The following CNTN5 variants were observed in gnomAD, a reference collection of about 807,000 sequenced individuals.
The protein encoded by CNTN5 is contactin 5.
CNTN5 carries 77 observed loss-of-function variants against 129.1 expected under a neutral mutation model. The observed-to-expected ratio is 0.60, with a 90% CI of 0.50 to 0.72. The LOEUF (loss-of-function observed/expected upper bound fraction) is 0.72. CNTN5 is among the 30% of genes least tolerant of loss of function. The pLI is 0.00. For missense variants in CNTN5, 1,478 were observed against 1,328.8 expected (o/e 1.11, Z -1.75); for synonymous variants, 509 against 465.6 (o/e 1.09, Z -1.20).
At chr11:100,242,240 G>C (rs1297248122) in intron 16 of CNTN5, among the ~76,000 whole-genome samples, 1 of 152,038 alleles carries the variant, frequency 6.6e-6, no homozygotes, top group African/African-American at 2.4e-5. Context: ...TGCCCATATT[G>C]TTTATGTGGC....
At chr11:99,213,374 G>GTGTATATATA (rs1859926380) in intron 1 of CNTN5, among the ~76,000 whole-genome samples, 1 of 103,542 alleles carries the variant, frequency 9.7e-6, no homozygotes, top group Non-Finnish European at 2.0e-5. Flanking sequence ...ATGTATATAT[G>GTGTATATATA]TATATACATA....
chr11:99,860,017 A>G (rs1948157523), intron 6 of CNTN5, among the ~76,000 whole-genome samples: 1 of 151,948 alleles, frequency 6.6e-6, no homozygotes, highest in Non-Finnish European at 1.5e-5. Context: ...GTTGTTTTTG[A>G]TATTTTAGTA....
chr11:99,245,237 C>A (rs553646110), intron 1 of CNTN5, among the ~76,000 whole-genome samples: 7 of 152,120 alleles, frequency 4.6e-5, no homozygotes, highest in Admixed American at 2.6e-4. Context: ...GTAAGTAATA[C>A]CTGTAAACTG....
chr11:99,796,265 G>T (rs544747910), intron 3 of CNTN5, among the ~76,000 whole-genome samples: 1 of 152,158 alleles, frequency 6.6e-6, no homozygotes, highest in Non-Finnish European at 1.5e-5. Context: ...ACCAGCAATG[G>T]TGGCACAGTC....
chr11:99,087,882 G>A (rs531790248), intron 1 of CNTN5, among the ~76,000 whole-genome samples: 3 of 152,016 alleles, frequency 2.0e-5, no homozygotes, highest in African/African-American at 2.4e-5. Flanking sequence ...TCAATTTCAC[G>A]GGCATGCAAC....
rs1565809462 is a variant in CNTN5, at chr11:100,035,145, C to CA, written c.981-26067_981-26066insA. Among the ~76,000 whole-genome samples the CA allele has an allele frequency of 8.1e-3, 1,230 of 152,150 alleles. 13 individuals carry two copies. Among genetic ancestry groups the CA allele is most frequent in the African/African-American group, 0.025 (1,039 of 41,508 alleles). On this transcript the variant is annotated intron_variant, in intron 9 of 24. Coordinates refer to ENST00000524871, the MANE Select transcript of CNTN5 (RefSeq NM_014361.4). ...ACTCCTCCCACCCCACAACAGTCCC[C>CA]GATGTGTGATGTTCCCCTTCCTGTG... is the stretch of plus-strand genomic sequence containing the variant.
At chr11:99,329,852 G>T (rs1184664049) in intron 2 of CNTN5, among the ~76,000 whole-genome samples, 1 of 150,934 alleles carries the variant, frequency 6.6e-6, no homozygotes, top group Non-Finnish European at 1.5e-5. Flanking sequence ...TCTCATTTTT[G>T]TAAGGGTGCA....
At chr11:100,315,291 C>G (rs1441164035) in intron 21 of CNTN5, among the ~76,000 whole-genome samples, 1 of 152,170 alleles carries the variant, frequency 6.6e-6, no homozygotes, top group African/African-American at 2.4e-5. Flanking sequence ...ATAAACCAAG[C>G]ATTTTGACTT....
At chr11:99,073,590 C>T (rs1179633956) in intron 1 of CNTN5, among the ~76,000 whole-genome samples, 3 of 151,808 alleles carry the variant, frequency 2.0e-5, no homozygotes, top group Admixed American at 6.6e-5. Flanking sequence ...TGATGTTCCC[C>T]TTCCTGTGTC....
chr11:99,971,017 A>G lies in CNTN5; in HGVS notation c.877+14008A>G, dbSNP rs78537890. ...AAGATCATGAAATTAGTTACTTACA[A>G]TAAACTGGAATAAAGCCTACCATAT... On this transcript the variant is annotated intron_variant, in intron 8 of 24. Transcript: ENST00000524871. 1.7e-3 allele frequency among the ~76,000 whole-genome samples: 263 copies of G among 152,316 alleles called. 5 individuals carry two copies. The East Asian group carries it at 0.04, about 23-fold the overall frequency.
At chr11:99,325,864 T>C (rs994002498) in intron 2 of CNTN5, among the ~76,000 whole-genome samples, 9 of 152,180 alleles carry the variant, frequency 5.9e-5, no homozygotes, top group African/African-American at 2.2e-4. Context: ...CGACATATAA[T>C]GTGCTAGTGG....
intron 3 of CNTN5, among the ~76,000 whole-genome samples, chr11:99,770,406 AAAG>A (rs994826741): frequency 6.6e-6 from 1 of 152,090 alleles, no homozygotes; most frequent in Non-Finnish European, 1.5e-5. Context: ...TCCTTTAAAA[AAAG>A]AAAAGCGTAT....
chr11:99,669,534 G>C (rs1173805012), intron 3 of CNTN5, among the ~76,000 whole-genome samples: 1 of 151,900 alleles, frequency 6.6e-6, no homozygotes, highest in Non-Finnish European at 1.5e-5. Flanking sequence ...GAGCATGAGA[G>C]ACTTCCATGG....
chr11:99,809,483 T>C (rs1946368527), intron 3 of CNTN5, among the ~76,000 whole-genome samples: 1 of 152,188 alleles, frequency 6.6e-6, no homozygotes, highest in African/African-American at 2.4e-5. Flanking sequence ...AAATCCTATA[T>C]TGCATTATTT....
At chr11:100,003,408 A>T (rs1477717402) in intron 9 of CNTN5, among the ~76,000 whole-genome samples, 1 of 152,190 alleles carries the variant, frequency 6.6e-6, no homozygotes, top group African/African-American at 2.4e-5. Context: ...ATAGGTCTGA[A>T]AATGTCCCAA....
At chr11:99,445,651 A>G (rs1163361619) in intron 2 of CNTN5, among the ~76,000 whole-genome samples, 2 of 152,296 alleles carry the variant, frequency 1.3e-5, no homozygotes, top group East Asian at 3.9e-4. Context: ...ATGTTGCTGG[A>G]TGGAAGAATA....
rs371519266 is a variant in CNTN5, at chr11:100,162,708, G to C, written c.1581-28418G>C. On this transcript the variant is annotated intron_variant, in intron 13 of 24. Transcript: ENST00000524871. The stretch of plus-strand genomic sequence containing the variant: ...TGTGGCAGAAACAAACGAGAGAACT[G>C]AAGAGTTGAAACTTGATATTTCATC... 4.6e-5 allele frequency among the ~76,000 whole-genome samples: 7 copies of C among 151,948 alleles called. No homozygotes were observed. The East Asian group carries it at 1.4e-3, about 30-fold the overall frequency.
At chr11:99,833,382 T>C (rs566155615) in intron 4 of CNTN5, among the ~76,000 whole-genome samples, 4 of 152,296 alleles carry the variant, frequency 2.6e-5, no homozygotes, top group African/African-American at 7.2e-5. Context: ...GAAAGTGATA[T>C]GCATTCAGTA....
At chr11:99,614,234 A>G (rs191086974) in intron 3 of CNTN5, among the ~76,000 whole-genome samples, 40 of 152,324 alleles carry the variant, frequency 2.6e-4, no homozygotes, top group African/African-American at 9.4e-4. Context: ...CCAAATATCT[A>G]TGTGAAGTAT....
Sources: gnomAD v4.1 joint callset for allele counts (sites outside exome capture counted in the v4.1 genomes callset) on GRCh38, gnomAD v4.1.1 for gene constraint, MANE v1.5 for transcripts, NCBI Gene and HGNC (gene_info 2026-07-23, HGNC 2026-07-21) for gene names.